Variants in UBE2L6 observed in about 807,000 individuals in gnomAD.
The protein encoded by UBE2L6 is ubiquitin conjugating enzyme E2 L6.
Under a neutral mutation model 13.6 loss-of-function variants are expected in UBE2L6, and 11 were observed. The observed-to-expected ratio is 0.81, with a 90% CI of 0.51 to 1.34. The LOEUF (loss-of-function observed/expected upper bound fraction) is 1.34. Among genes scored for constraint, UBE2L6 ranks in the 40% most tolerant of loss-of-function variants. UBE2L6 has a pLI of 0.00. For synonymous variants in UBE2L6, 74 were observed against 83.2 expected (o/e 0.89, Z 0.60); for missense variants, 197 against 199.5 (o/e 0.99, Z 0.07).
rs563421347 is a variant in UBE2L6, at chr11:57,554,380, C to G, written c.310+57G>C. On this transcript the variant is annotated intron_variant, in intron 3 of 3. Transcript: ENST00000287156. ...AAGCTCAGAATAAGCTGTGAACCCC[C>G]TCTCCAGTAATCTCTACCCAGTATC... is the stretch of plus-strand genomic sequence containing the variant. 5.3e-5 allele frequency: 83 copies of G among 1,570,398 alleles called. No homozygotes were observed. The African/African-American group carries it at 1.1e-3, about 20-fold the overall frequency.
At chr11:57,558,850 C>T (rs1590809277) in intron 2 of UBE2L6, among the ~76,000 whole-genome samples, 1 of 152,198 alleles carries the variant, frequency 6.6e-6, no homozygotes, top group African/African-American at 2.4e-5. Flanking sequence ...CTTCAGGCCC[C>T]CTTAGCTGAT....
At chr11:57,561,522 T>TG (rs2135279910) in intron 1 of UBE2L6, among the ~76,000 whole-genome samples, 1 of 152,052 alleles carries the variant, frequency 6.6e-6, no homozygotes, top group South Asian at 2.1e-4. Context: ...TCACAGAGGG[T>TG]GCACTCTGTG....
At chr11:57,553,915 CT>C (rs1289412474) in intron 3 of UBE2L6, among the ~76,000 whole-genome samples, 7 of 152,212 alleles carry the variant, frequency 4.6e-5, no homozygotes, top group African/African-American at 1.7e-4. Flanking sequence ...TCTGTATGAC[CT>C]TAGGCAACCA....
At position 57,567,649 on chromosome 11, in the gene UBE2L6, G is replaced by A. The variant is rs1239416653; in HGVS notation, c.-38C>T. On this transcript the variant is annotated 5_prime_UTR_variant, in exon 1 of 4. Transcript: ENST00000287156. ...TGTGTGGCACCCGTGGCCTCCAGCA[G>A]GACCGAGCTCCGACCCGCGACACAG... 1 of 1,596,922 alleles carries A rather than the reference G, an allele frequency of 6.3e-7. No individual in the cohort carries two copies.
chr11:57,556,991 C>A (rs903105338), intron 2 of UBE2L6, among the ~76,000 whole-genome samples: 1 of 151,126 alleles, frequency 6.6e-6, no homozygotes. Flanking sequence ...GAGGCTGAGG[C>A]ATGAGAATTG....
At chr11:57,554,685 G>T in intron 2 of UBE2L6, 62 bp from the exon 3 acceptor site, 1 of 1,585,816 alleles carries the variant, frequency 6.3e-7, no homozygotes, top group Non-Finnish European at 8.6e-7. Flanking sequence ...GCCCCAATCC[G>T]AGGGTCCTAG....
At chr11:57,560,585 G>T in intron 1 of UBE2L6, 153 bp from the exon 2 acceptor site, 1 of 600,804 alleles carries the variant, frequency 1.7e-6, no homozygotes, top group East Asian at 2.8e-5. Context: ...TGAGCACTTA[G>T]TATGTATCAG....
At chr11:57,558,342 G>C (rs757969968) in intron 2 of UBE2L6, among the ~76,000 whole-genome samples, 17 of 152,190 alleles carry the variant, frequency 1.1e-4, no homozygotes, top group Non-Finnish European at 1.8e-4. Context: ...GCCTCTCAAA[G>C]TGCTGGGATT....
intron 3 of UBE2L6, among the ~76,000 whole-genome samples, chr11:57,552,962 C>A (rs1944970572): frequency 6.6e-6 from 1 of 152,172 alleles, no homozygotes; most frequent in African/African-American, 2.4e-5. Context: ...GCCCATCTCC[C>A]GAGACAGATG....
At chr11:57,567,261 T>C in intron 1 of UBE2L6, 1 of 496,600 alleles carries the variant, frequency 2.0e-6, no homozygotes, top group Admixed American at 3.0e-5. Context: ...CCAAGGACTT[T>C]TCCTGCACTG....
intron 1 of UBE2L6, among the ~76,000 whole-genome samples, chr11:57,565,820 G>A (rs769058887): frequency 2.6e-5 from 4 of 152,120 alleles, no homozygotes; most frequent in Non-Finnish European, 5.9e-5. Context: ...GACCCAAAAT[G>A]TCAGTAGTGA....
rs536710141 is a variant in UBE2L6 at position 57,559,698 on chromosome 11, T to C, written c.123+639A>G. Among the ~76,000 whole-genome samples, 158 of 152,326 alleles carry C rather than the reference T, an allele frequency of 1.0e-3. 1 individual carries two copies. Among genetic ancestry groups the C allele is most frequent in the South Asian group, 7.5e-3 (36 of 4,824 alleles). On this transcript the variant is annotated intron_variant, in intron 2 of 3. Transcript: ENST00000287156. ...GCTTTGACTAACAAAAAGTTCAATG[T>C]CTTAAATTTTATTTCCAAGTAATGA...
At chr11:57,560,228 T>C in intron 2 of UBE2L6, 109 bp downstream of exon 2, 2 of 826,944 alleles carry the variant, frequency 2.4e-6, no homozygotes, top group Non-Finnish European at 4.2e-6. Flanking sequence ...TAACCTCCAG[T>C]AAAAGGATCT....
chr11:57,559,358 C>G (rs578254643), intron 2 of UBE2L6, among the ~76,000 whole-genome samples: 1 of 152,326 alleles, frequency 6.6e-6, no homozygotes, highest in African/African-American at 2.4e-5. Context: ...CACCTGTAAT[C>G]CCAGCACTTT....
At chr11:57,557,395 C>CTTT (rs35413834) in intron 2 of UBE2L6, among the ~76,000 whole-genome samples, 2 of 131,742 alleles carry the variant, frequency 1.5e-5, no homozygotes, top group African/African-American at 5.6e-5. Context: ...TGCCATGCTT[C>CTTT]TTTTTTTTTT....
chr11:57,559,652 G>T (rs896380138), intron 2 of UBE2L6, among the ~76,000 whole-genome samples: 2 of 151,760 alleles, frequency 1.3e-5, no homozygotes, highest in Non-Finnish European at 2.9e-5. Flanking sequence ...AAGATGAATT[G>T]TTCCTTTGAT....
intron 2 of UBE2L6, among the ~76,000 whole-genome samples, chr11:57,554,961 T>G (rs1441127231): frequency 6.6e-6 from 1 of 152,148 alleles, no homozygotes; most frequent in Non-Finnish European, 1.5e-5. Context: ...CAAGACTTTC[T>G]GAGATTATGG....
rs538422141 is a variant in UBE2L6, at chr11:57,566,739, A to G, written c.27+846T>C. ...CCTAGAGCCTGCCCCTCCACCCTGC[A>G]GACTGGAAGGGGCACTTCTGAAAGA... is the stretch of plus-strand genomic sequence containing the variant. On this transcript the variant is annotated intron_variant, in intron 1 of 3. Coordinates refer to ENST00000287156, the MANE Select transcript of UBE2L6 (RefSeq NM_004223.5). Among the ~76,000 whole-genome samples, 10 of 152,212 alleles carry G rather than the reference A, an allele frequency of 6.6e-5. No individual in the cohort carries two copies. The East Asian group carries it at 1.7e-3, about 26-fold the overall frequency.
At chr11:57,566,533 G>C (rs1945093905) in intron 1 of UBE2L6, among the ~76,000 whole-genome samples, 1 of 151,992 alleles carries the variant, frequency 6.6e-6, no homozygotes, top group African/African-American at 2.4e-5. Flanking sequence ...TAAACCGTTT[G>C]GCATGTAATG....
Sources: allele counts gnomAD v4.1 joint callset (sites outside exome capture counted in the v4.1 genomes callset), GRCh38; gene constraint gnomAD v4.1.1; transcripts MANE v1.5; gene names NCBI Gene and HGNC (gene_info 2026-07-23, HGNC 2026-07-21).